Variants in LIN52 observed in about 807,000 individuals in gnomAD.
LIN52 encodes lin-52 DREAM MuvB core complex component.
In LIN52, 4 loss-of-function variants were observed where a neutral mutation model predicts 18.5. The observed-to-expected ratio is 0.22, with a 90% CI of 0.11 to 0.49. The LOEUF is 0.49. LIN52 is among the 20% of genes least tolerant of loss of function. The pLI, the probability that LIN52 is intolerant of heterozygous loss-of-function variation, is 0.97. For missense variants in LIN52, 102 were observed against 139.5 expected, an observed-to-expected ratio of 0.73 and a Z score of 1.35; for synonymous variants, 34 against 45.5, an observed-to-expected ratio of 0.75 and a Z score of 1.02.
At chr14:74,107,058 A>C (rs1026080179) in intron 5 of LIN52, among the ~76,000 whole-genome samples, 1 of 152,108 alleles carries the variant, frequency 6.6e-6, no homozygotes, top group East Asian at 1.9e-4. Flanking sequence ...CATCTCCTCT[A>C]CCAAAACACA....
chr14:74,091,159 C>A, intron 1 of LIN52, 73 bp from the exon 2 acceptor site: 2 of 1,066,804 alleles, frequency 1.9e-6, no homozygotes, highest in Non-Finnish European at 2.8e-6. Flanking sequence ...CAGTTTATGT[C>A]CTTTGAGATT....
At chr14:74,089,965 G>A (rs1207621285) in intron 1 of LIN52, among the ~76,000 whole-genome samples, 1 of 152,084 alleles carries the variant, frequency 6.6e-6, no homozygotes, top group Non-Finnish European at 1.5e-5. Context: ...TAGCATCTAG[G>A]GGTGGGTGCC....
rs370809548 is a variant in LIN52, at chr14:74,097,797, A to G, written c.136A>G (p.Ile46Val). ...TGGATATATTATTTTTTGACAGCCT[A>G]TTACTAGTTCTCCACCCAAATGGAT... ...AEFAASFKSP[I>V]TSSPPKWMAE... Residue 46 changes from isoleucine to valine, a missense_variant, in exon 4 of 6, where the codon ATT (isoleucine) becomes GTT (valine). Physicochemically the swap from Ile to Val is conservative, Grantham distance 29. Transcript: ENST00000555028. The G allele has an allele frequency of 2.1e-5, 34 of 1,607,208 alleles. No individual in the cohort carries two copies. Among genetic ancestry groups the G allele is most frequent in the Non-Finnish European group, 2.8e-5 (33 of 1,173,930 alleles).
intron 1 of LIN52, among the ~76,000 whole-genome samples, chr14:74,086,166 C>T (rs867075342): frequency 2.6e-5 from 4 of 152,096 alleles, no homozygotes; most frequent in Admixed American, 6.6e-5. Flanking sequence ...GCCCCTTTTG[C>T]GCTAGATTGT....
At chr14:74,171,691 G>T (rs1475919466) in intron 5 of LIN52, among the ~76,000 whole-genome samples, 2 of 102,520 alleles carry the variant, frequency 2.0e-5, no homozygotes, top group African/African-American at 3.3e-5. Context: ...AATGAATTTA[G>T]ATCAAATATT....
chr14:74,135,664 T>G lies in LIN52; in HGVS notation c.283+34426T>G, dbSNP rs144786604. On this transcript the variant is annotated intron_variant, in intron 5 of 5. Transcript: ENST00000555028. ...GTTAAAATTGTTGCAAGAATAAGAT[T>G]TGAAATTATCTGTGGTTTTAATTCC... 1.2e-4 allele frequency among the ~76,000 whole-genome samples: 18 copies of G among 152,336 alleles called. 1 individual carries two copies. In the East Asian group the frequency reaches 3.1e-3, roughly 26 times the overall value.
chr14:74,137,951 T>G (rs563753990), intron 5 of LIN52, among the ~76,000 whole-genome samples: 16 of 152,320 alleles, frequency 1.1e-4, no homozygotes, highest in African/African-American at 3.8e-4. Flanking sequence ...TCTGGTATCC[T>G]CTCCTTCTTC....
At chr14:74,150,884 C>T (rs557556448) in intron 5 of LIN52, among the ~76,000 whole-genome samples, 1 of 152,112 alleles carries the variant, frequency 6.6e-6, no homozygotes, top group Non-Finnish European at 1.5e-5. Context: ...ACCCTCCCGC[C>T]CCCCTGCTCC....
intron 5 of LIN52, among the ~76,000 whole-genome samples, chr14:74,137,496 C>CTT (rs1409995305): frequency 1.3e-4 from 11 of 85,516 alleles, no homozygotes; most frequent in African/African-American, 5.7e-4. Context: ...CACAGCAGCT[C>CTT]TCTTTTTTTT....
At chr14:74,119,836 CT>C (rs555673247) in intron 5 of LIN52, among the ~76,000 whole-genome samples, 592 of 132,254 alleles carry the variant, frequency 4.5e-3, no homozygotes, top group East Asian at 9.1e-3. Flanking sequence ...CTGGATTATT[CT>C]TTTTTTTTTT....
intron 5 of LIN52, among the ~76,000 whole-genome samples, chr14:74,151,686 T>C (rs2061177366): frequency 6.6e-6 from 1 of 152,208 alleles, no homozygotes; most frequent in Non-Finnish European, 1.5e-5. Flanking sequence ...TCGATTATAG[T>C]AACATGCCAT....
intron 5 of LIN52, among the ~76,000 whole-genome samples, chr14:74,185,754 T>C (rs1207525521): frequency 1.3e-5 from 2 of 152,206 alleles, no homozygotes; most frequent in Non-Finnish European, 2.9e-5. Flanking sequence ...GGTTTCTTTC[T>C]ATTTCATTTA....
chr14:74,109,938 A>T (rs888060277), intron 5 of LIN52, among the ~76,000 whole-genome samples: 3 of 152,176 alleles, frequency 2.0e-5, no homozygotes, highest in Admixed American at 1.3e-4. Context: ...GACTGCCTTT[A>T]AATTAATTCT....
intron 5 of LIN52, among the ~76,000 whole-genome samples, chr14:74,146,453 G>A (rs1244783988): frequency 6.6e-6 from 1 of 152,126 alleles, no homozygotes; most frequent in Non-Finnish European, 1.5e-5. Flanking sequence ...TCACTAGCCA[G>A]CTAAGTGAAT....
chr14:74,146,371 A>G (rs148485006), intron 5 of LIN52, among the ~76,000 whole-genome samples: 28 of 152,198 alleles, frequency 1.8e-4, no homozygotes, highest in Admixed American at 1.8e-3. Context: ...TGTTATTTTT[A>G]TCATGTGTAA....
chr14:74,130,297 GA>G (rs1284002549), intron 5 of LIN52, among the ~76,000 whole-genome samples: 1 of 17,644 alleles, frequency 5.7e-5, no homozygotes, highest in Non-Finnish European at 1.1e-4. Context: ...TTTTTTTTTT[GA>G]GACAGTCTCG....
chr14:74,196,287 G>C (rs776171592), intron 5 of LIN52, among the ~76,000 whole-genome samples: 10 of 152,164 alleles, frequency 6.6e-5, no homozygotes, highest in Non-Finnish European at 1.2e-4. Context: ...AAACCCTTTT[G>C]ACCCCTTAAA....
chr14:74,144,119 A>G (rs1388522414), intron 5 of LIN52, among the ~76,000 whole-genome samples: 1 of 114,488 alleles, frequency 8.7e-6, no homozygotes, highest in African/African-American at 3.2e-5. Flanking sequence ...ACAAGGTTTT[A>G]TTCTTCAATT....
rs566392349 is a variant in LIN52, at chr14:74,180,772, A to G, written c.284-18150A>G. Reference sequence around the variant, plus strand: ...TGGCATTGGTATGAATGCAATTAAAATTAATGAAGTGAAAAAAATACATTT... The same window carrying G: ...TGGCATTGGTATGAATGCAATTAAAGTTAATGAAGTGAAAAAAATACATTT... On this transcript the variant is annotated intron_variant, in intron 5 of 5. Coordinates refer to ENST00000555028, the MANE Select transcript of LIN52 (RefSeq NM_001024674.3). Among the ~76,000 whole-genome samples, 29 of 152,306 alleles carry G rather than the reference A, an allele frequency of 1.9e-4. No individual in the cohort carries two copies. In the East Asian group the frequency reaches 4.1e-3, roughly 21 times the overall value.
Sources: allele counts gnomAD v4.1 joint callset (sites outside exome capture counted in the v4.1 genomes callset), GRCh38; gene constraint gnomAD v4.1.1; transcripts MANE v1.5; gene names NCBI Gene and HGNC (gene_info 2026-07-23, HGNC 2026-07-21).